ZNF599: variants seen among roughly 807,000 people sequenced by gnomAD.
ZNF599 encodes zinc finger protein 599.
In ZNF599, 10 loss-of-function variants were observed where a neutral mutation model predicts 11.7. The ratio of observed to expected loss-of-function variants is 0.86; its 90% confidence interval spans 0.53 to 1.45. The LOEUF is 1.45. Among genes scored for constraint, ZNF599 ranks in the 40% most tolerant of loss-of-function variants. The pLI is 0.00. For missense variants in ZNF599, 688 were observed against 713.6 expected (o/e 0.96, Z 0.41); for synonymous variants, 232 against 253.2 (o/e 0.92, Z 0.79).
rs1297364811 is a variant in ZNF599 at position 34,760,037 on chromosome 19, T to C, written c.764A>G (p.Tyr255Cys). 1 of 1,614,016 alleles carries C rather than the reference T, an allele frequency of 6.2e-7. No homozygotes were observed. The highest frequency in any genetic ancestry group is 2.2e-5 in the East Asian group (1 of 44,898). ...HMRLHTGEKP[Y>C]KCIECGKAFK... ...GGCTTTCCCACACTCAATACACTTG[T>C]ATGGTTTTTCCCCAGTATGAAGCCT... is the stretch of plus-strand genomic sequence containing the variant. Residue 255 changes from tyrosine to cysteine, a missense_variant, in exon 4 of 4, where the codon TAC becomes TGC. Tyr to Cys is a radical substitution (Grantham distance 194). Transcript: ENST00000329285.
At chr19:34,773,704 G>C (rs895591633), upstream of ZNF599, among the ~76,000 whole-genome samples, 1 of 151,974 alleles carries the variant, frequency 6.6e-6, no homozygotes, top group Non-Finnish European at 1.5e-5. Context: ...GGTACTCTGG[G>C]GGGTGGGACC....
At chr19:34,784,109 C>T in the ZNF599 span, among the ~76,000 whole-genome samples, 5 of 152,264 alleles carry the variant, frequency 3.3e-5, no homozygotes, top group Admixed American at 6.5e-5. Flanking sequence ...GAAATGAAGA[C>T]GTTGGTAGGG....
the ZNF599 span, among the ~76,000 whole-genome samples, chr19:34,784,311 T>G: frequency 6.6e-6 from 1 of 152,216 alleles, no homozygotes; most frequent in Non-Finnish European, 1.5e-5. Flanking sequence ...TTTCCCCTTT[T>G]TATAAGTATA....
At chr19:34,804,449 GCCCTCACTCTC>G in the ZNF599 span, among the ~76,000 whole-genome samples, 1 of 152,164 alleles carries the variant, frequency 6.6e-6, no homozygotes, top group Non-Finnish European at 1.5e-5. Flanking sequence ...CCAGTCCTCG[GCCCTCACTCTC>G]CCCTTCTTGG....
the ZNF599 span, among the ~76,000 whole-genome samples, chr19:34,790,260 T>G: frequency 6.6e-6 from 1 of 152,200 alleles, no homozygotes; most frequent in East Asian, 1.9e-4. Flanking sequence ...TTTCCTCCAG[T>G]GTCCTATGAT....
intron 3 of ZNF599, chr19:34,764,907 A>C (rs2069132623): frequency 6.6e-6 from 1 of 152,208 alleles, no homozygotes; most frequent in African/African-American, 2.4e-5. Flanking sequence ...CAGTACAAAA[A>C]TAAGGGAAAA....
the ZNF599 span, among the ~76,000 whole-genome samples, chr19:34,797,183 G>A: frequency 6.6e-6 from 1 of 152,048 alleles, no homozygotes; most frequent in Non-Finnish European, 1.5e-5. Flanking sequence ...ATGGTGTATA[G>A]GTGCCACATT....
At position 34,758,701 on chromosome 19, in the gene ZNF599, G is replaced by T; in HGVS notation, c.*333C>A. 1 of 196,426 alleles carries T rather than the reference G, an allele frequency of 5.1e-6. No homozygotes were observed. The highest frequency in any genetic ancestry group is 1.0e-5 in the Non-Finnish European group (1 of 97,274). 12.2% of individuals were successfully genotyped at this position (196,426 alleles called of 1,614,324 possible). A position where few individuals can be genotyped will look rare whatever the true frequency, so the allele number is the denominator to read the frequency against. ...CATTATTTTAAAATATGCTTGAGAT[G>T]GATTTATAGTATTAATAAGAGGAAA... On this transcript the variant is annotated 3_prime_UTR_variant, in exon 4 of 4. Transcript: ENST00000329285.
chr19:34,760,587 T>G (rs1295531961), intron 3 of ZNF599, 28 bp from the exon 4 acceptor site: 1 of 1,545,802 alleles, frequency 6.5e-7, no homozygotes, highest in Non-Finnish European at 8.7e-7. Flanking sequence ...TAAAAAAAAC[T>G]GAACATTAGT....
chr19:34,796,049 G>C, the ZNF599 span, among the ~76,000 whole-genome samples: 1 of 151,734 alleles, frequency 6.6e-6, no homozygotes, highest in Admixed American at 6.6e-5. Context: ...TCGAACTCCC[G>C]ACCTCAGGTG....
At chr19:34,784,400 A>G in the ZNF599 span, among the ~76,000 whole-genome samples, 2 of 152,206 alleles carry the variant, frequency 1.3e-5, no homozygotes, top group African/African-American at 2.4e-5. Flanking sequence ...ATTTCCAAAT[A>G]AGATCGCATT....
the ZNF599 span, among the ~76,000 whole-genome samples, chr19:34,778,906 A>G: frequency 6.6e-6 from 1 of 152,216 alleles, no homozygotes; most frequent in Non-Finnish European, 1.5e-5. Context: ...AAGTAGATAT[A>G]TGGGTGGCAA....
rs1204686232 is a variant in ZNF599, at chr19:34,770,594, CCTGTT to C, written c.19-1044_19-1040del. On this transcript the variant is annotated intron_variant, in intron 1 of 3. Coordinates refer to ENST00000329285, the MANE Select transcript of ZNF599 (RefSeq NM_001007248.3). ...TGGAATATCCCACAATGAGCGCCAA[CCTGTT>C]CTTTTTCTTCCTGAGCCACGGTTAG... 4.6e-5 allele frequency among the ~76,000 whole-genome samples: 7 copies of C among 152,342 alleles called. No homozygotes were observed. The East Asian group carries it at 1.4e-3, about 29-fold the overall frequency.
chr19:34,783,517 T>G, the ZNF599 span, among the ~76,000 whole-genome samples: 1 of 152,038 alleles, frequency 6.6e-6, no homozygotes, highest in Non-Finnish European at 1.5e-5. Flanking sequence ...AGCAGGCAGG[T>G]AGGAGTAGGA....
chr19:34,775,421 G>A (rs2069213459), upstream of ZNF599, among the ~76,000 whole-genome samples: 1 of 152,196 alleles, frequency 6.6e-6, no homozygotes, highest in Admixed American at 6.5e-5. Flanking sequence ...ATAATTCCAT[G>A]TATATGAAGT....
the ZNF599 span, among the ~76,000 whole-genome samples, chr19:34,790,153 T>G: frequency 3.9e-5 from 6 of 152,324 alleles, no homozygotes; most frequent in African/African-American, 1.4e-4. Flanking sequence ...TAAAAATCAA[T>G]TGGCTCTAAA....
chr19:34,760,181 C>G lies in ZNF599; in HGVS notation c.620G>C (p.Gly207Ala). 2 of 1,614,148 alleles carry G rather than the reference C, an allele frequency of 1.2e-6. No individual in the cohort carries two copies. Among genetic ancestry groups the G allele is most frequent in the Non-Finnish European group, 1.7e-6 (2 of 1,180,022 alleles). Residue 207 changes from glycine (G) to alanine (A), a missense_variant, in exon 4 of 4, where the codon GGG becomes GCG. Transcript: ENST00000329285. ...AACAAGGGCCCACTTCTTGCTAAAC[C>G]CTTTCCCACATTCCGTGCATGTGTA... The part of the protein sequence containing the change: ...NPYTCTECGK[G>A]FSKKWALVRH...
chr19:34,795,735 G>T, the ZNF599 span, among the ~76,000 whole-genome samples: 1 of 152,226 alleles, frequency 6.6e-6, no homozygotes, highest in Non-Finnish European at 1.5e-5. Context: ...AGGGAGTACA[G>T]GGAGGCCTGG....
rs144233693 is a variant in ZNF599, at chr19:34,770,805, A to G, written c.19-1250T>C. On this transcript the variant is annotated intron_variant, in intron 1 of 3. Coordinates refer to ENST00000329285, the MANE Select transcript of ZNF599 (RefSeq NM_001007248.3). ...AGGTGACAAGCCTTGGTGTCACTCTATGTCTCCTCATGCCTCTGCCTTTGT... is the reference window on the plus strand; with the variant it reads ...AGGTGACAAGCCTTGGTGTCACTCTGTGTCTCCTCATGCCTCTGCCTTTGT... Among the ~76,000 whole-genome samples the G allele has an allele frequency of 1.9e-3, 284 of 152,270 alleles. 1 individual carries two copies. The highest frequency in any genetic ancestry group is 6.2e-3 in the African/African-American group (259 of 41,546).
Sources: allele counts gnomAD v4.1 joint callset (sites outside exome capture counted in the v4.1 genomes callset), GRCh38; gene constraint gnomAD v4.1.1; transcripts MANE v1.5; gene names NCBI Gene and HGNC (gene_info 2026-07-23, HGNC 2026-07-21).